TMTC1: variants seen among roughly 807,000 people sequenced by gnomAD.
TMTC1 encodes the protein transmembrane O-mannosyltransferase targeting cadherins 1, also known as protein O-mannosyl-transferase TMTC1.
In TMTC1, 73 loss-of-function variants were observed where a neutral mutation model predicts 104.8. That is an observed-to-expected ratio of 0.70 (90% CI 0.58 to 0.85). The LOEUF (loss-of-function observed/expected upper bound fraction) is 0.85, where lower values mean the gene tolerates loss of function less well. Ranked by LOEUF, TMTC1 falls within the 40% of genes least tolerant of loss-of-function variation. The probability of loss-of-function intolerance (pLI) is 0.00; values close to 1 mark genes in which losing one functional copy is unlikely to be tolerated. For missense variants in TMTC1, 1,035 were observed against 1,096.1 expected (o/e 0.94, Z 0.79); for synonymous variants, 434 against 428.7 (o/e 1.01, Z -0.15).
At chr12:29,570,881 A>AACC (rs1945651903) in intron 9 of TMTC1, among the ~76,000 whole-genome samples, 55 of 31,248 alleles carry the variant, frequency 1.8e-3, no homozygotes, top group Non-Finnish European at 2.9e-3. Flanking sequence ...AAACAGAAAC[A>AACC]CCCCCCCCCC....
At chr12:29,575,116 T>G (rs1945786164) in intron 8 of TMTC1, among the ~76,000 whole-genome samples, 1 of 152,072 alleles carries the variant, frequency 6.6e-6, no homozygotes, top group African/African-American at 2.4e-5. Context: ...AGCTAGCAAG[T>G]GGTAGGGATG....
chr12:29,612,813 T>C (rs1302578542), intron 6 of TMTC1, among the ~76,000 whole-genome samples: 1 of 152,228 alleles, frequency 6.6e-6, no homozygotes, highest in Non-Finnish European at 1.5e-5. Context: ...CTGATCTTAG[T>C]TACTGACTTG....
At chr12:29,711,115 T>C (rs948386350) in intron 5 of TMTC1, among the ~76,000 whole-genome samples, 5 of 151,430 alleles carry the variant, frequency 3.3e-5, no homozygotes, top group Non-Finnish European at 7.4e-5. Context: ...CCCAAGTAGC[T>C]AGGACTATGG....
At chr12:29,635,836 C>T (rs1353796628) in intron 5 of TMTC1, among the ~76,000 whole-genome samples, 5 of 152,068 alleles carry the variant, frequency 3.3e-5, no homozygotes, top group Non-Finnish European at 5.9e-5. Flanking sequence ...TAAACAAGTA[C>T]GTTGTAATTA....
At chr12:29,644,108 T>TAA (rs1939144048) in intron 5 of TMTC1, among the ~76,000 whole-genome samples, 1 of 47,524 alleles carries the variant, frequency 2.1e-5, no homozygotes, top group Non-Finnish European at 3.9e-5. Flanking sequence ...TATATAAATA[T>TAA]ATATGTGTGT....
intron 5 of TMTC1, among the ~76,000 whole-genome samples, chr12:29,731,349 G>A (rs562843782): frequency 7.2e-5 from 11 of 152,198 alleles, no homozygotes; most frequent in Admixed American, 1.3e-4. Flanking sequence ...TAGAGACGGC[G>A]TTTCATCATA....
chr12:29,733,162 T>G (rs746205087), intron 5 of TMTC1, among the ~76,000 whole-genome samples: 1 of 152,204 alleles, frequency 6.6e-6, no homozygotes, highest in African/African-American at 2.4e-5. Context: ...CATTACCTGC[T>G]TTAATCATCA....
At chr12:29,703,059 G>T (rs1403351545) in intron 5 of TMTC1, among the ~76,000 whole-genome samples, 1 of 151,708 alleles carries the variant, frequency 6.6e-6, no homozygotes. Context: ...CAGAAGAATT[G>T]CTTGAGCCCA....
intron 2 of TMTC1, among the ~76,000 whole-genome samples, chr12:29,759,869 A>G (rs1943302820): frequency 6.6e-6 from 1 of 152,228 alleles, no homozygotes; most frequent in South Asian, 2.1e-4. Flanking sequence ...AATAAATGGT[A>G]CAATAATATA....
At chr12:29,740,608 A>G (rs1181861718) in intron 5 of TMTC1, among the ~76,000 whole-genome samples, 1 of 152,094 alleles carries the variant, frequency 6.6e-6, no homozygotes, top group Non-Finnish European at 1.5e-5. Context: ...ATATAGATAT[A>G]TAGATACATA....
At chr12:29,710,677 A>G (rs1282235933) in intron 5 of TMTC1, among the ~76,000 whole-genome samples, 1 of 139,850 alleles carries the variant, frequency 7.2e-6, no homozygotes, top group African/African-American at 2.6e-5. Context: ...TTATATTTAT[A>G]TATTTATAAT....
At chr12:29,643,615 ATATATCTATATATTAT>A (rs1939007915) in intron 5 of TMTC1, among the ~76,000 whole-genome samples, 1 of 53,234 alleles carries the variant, frequency 1.9e-5, no homozygotes, top group African/African-American at 9.4e-5. Flanking sequence ...TATATATAAT[ATATATCTATATATTAT>A]ATATATAATA....
intron 5 of TMTC1, among the ~76,000 whole-genome samples, chr12:29,716,738 G>A (rs908216209): frequency 3.9e-5 from 6 of 152,240 alleles, no homozygotes; most frequent in African/African-American, 1.2e-4. Context: ...AGAGCTGGCC[G>A]GGCACAGGGG....
chr12:29,519,871 G>A (rs145106257), intron 12 of TMTC1: 2 of 152,178 alleles, frequency 1.3e-5, no homozygotes, highest in Non-Finnish European at 2.9e-5. Flanking sequence ...TGTAAAACAA[G>A]AGAGCTCCAA....
At chr12:29,507,729 A>G (rs1338119380) in intron 17 of TMTC1, among the ~76,000 whole-genome samples, 3 of 152,212 alleles carry the variant, frequency 2.0e-5, no homozygotes, top group African/African-American at 4.8e-5. Context: ...CTGGCAACTC[A>G]GTCACAGCTA....
At chr12:29,765,349 C>A (rs1943439677) in intron 2 of TMTC1, among the ~76,000 whole-genome samples, 1 of 152,154 alleles carries the variant, frequency 6.6e-6, no homozygotes, top group Non-Finnish European at 1.5e-5. Flanking sequence ...ACTACAGCAA[C>A]TTGAAGCTCA....
intron 5 of TMTC1, among the ~76,000 whole-genome samples, chr12:29,642,956 CA>C (rs58327324): frequency 8.0e-5 from 12 of 150,212 alleles, no homozygotes; most frequent in African/African-American, 2.9e-4. Context: ...AACAAACAAA[CA>C]AAAAAACCCA....
At chr12:29,754,665 G>A (rs938643341) in intron 4 of TMTC1, among the ~76,000 whole-genome samples, 4 of 152,126 alleles carry the variant, frequency 2.6e-5, no homozygotes, top group African/African-American at 7.2e-5. Context: ...TCTGGCTCAC[G>A]GTTTTCTTGG....
At chr12:29,690,990 AG>A (rs1371094064) in intron 5 of TMTC1, among the ~76,000 whole-genome samples, 5 of 152,202 alleles carry the variant, frequency 3.3e-5, no homozygotes, top group Non-Finnish European at 7.4e-5. Flanking sequence ...AACTTTGGGA[AG>A]GAATTCAGTT....
Sources: gnomAD v4.1 joint callset for allele counts (sites outside exome capture counted in the v4.1 genomes callset) on GRCh38, gnomAD v4.1.1 for gene constraint, MANE v1.5 for transcripts, NCBI Gene and HGNC (gene_info 2026-07-23, HGNC 2026-07-21) for gene names.